Variants in PCNX2 observed in about 807,000 individuals in gnomAD.
PCNX2 encodes pecanex-like protein 2.
A neutral mutation model predicts 223.8 loss-of-function variants in PCNX2; 168 were observed. That is an observed-to-expected ratio of 0.75 (90% CI 0.66 to 0.85). The LOEUF (loss-of-function observed/expected upper bound fraction) is 0.85. PCNX2 is among the 40% of genes least tolerant of loss of function. The pLI, the probability that PCNX2 is intolerant of heterozygous loss-of-function variation, is 0.00. For synonymous variants in PCNX2, 1,006 were observed against 1,052.6 expected (o/e 0.96, Z 0.86); for missense variants, 2,507 against 2,675.5 (o/e 0.94, Z 1.39).
At chr1:233,294,047 A>T (rs946632191) in intron 1 of PCNX2, 1 of 943,428 alleles carries the variant, frequency 1.1e-6, no homozygotes, top group African/African-American at 1.8e-5. Flanking sequence ...TTTATATATA[A>T]TTTTGGTTAA....
chr1:233,074,296 T>G (rs190611886), intron 23 of PCNX2, among the ~76,000 whole-genome samples: 273 of 152,280 alleles, frequency 1.8e-3, no homozygotes, highest in African/African-American at 6.3e-3. Context: ...TTGCAAAACA[T>G]TTTGTTAAGA....
chr1:233,231,351 A>G (rs1342236400), intron 9 of PCNX2, among the ~76,000 whole-genome samples: 5 of 152,202 alleles, frequency 3.3e-5, no homozygotes, highest in African/African-American at 1.2e-4. Context: ...ACTGGCAAAA[A>G]TAAGATGAGG....
At chr1:233,262,456 C>T (rs1380121996) in intron 2 of PCNX2, among the ~76,000 whole-genome samples, 1 of 152,004 alleles carries the variant, frequency 6.6e-6, no homozygotes, top group Admixed American at 6.6e-5. Context: ...CCATCTGCAG[C>T]AGATAAATCT....
intron 22 of PCNX2, 31 bp from the exon 23 acceptor site, chr1:233,090,221 A>T (rs1673803198): frequency 1.3e-6 from 2 of 1,593,212 alleles, no homozygotes; most frequent in Admixed American, 3.7e-5. Flanking sequence ...CAAAAAAAAA[A>T]ATTATGATTC....
intron 17 of PCNX2, among the ~76,000 whole-genome samples, chr1:233,163,506 C>A (rs1220237037): frequency 1.3e-5 from 2 of 151,352 alleles, no homozygotes; most frequent in African/African-American, 4.9e-5. Flanking sequence ...AAGTATACAA[C>A]TTAACAAGTT....
intron 21 of PCNX2, among the ~76,000 whole-genome samples, chr1:233,111,122 G>A (rs982477290): frequency 6.6e-6 from 1 of 152,062 alleles, no homozygotes; most frequent in African/African-American, 2.4e-5. Flanking sequence ...TTTATCACAC[G>A]GAAAGTCGTA....
At chr1:233,003,611 A>G (rs1670168143) in intron 28 of PCNX2, among the ~76,000 whole-genome samples, 1 of 152,246 alleles carries the variant, frequency 6.6e-6, no homozygotes, top group Non-Finnish European at 1.5e-5. Context: ...TCAAGGATCT[A>G]GAACCAGAAA....
intron 17 of PCNX2, among the ~76,000 whole-genome samples, chr1:233,164,031 T>C (rs1209134387): frequency 3.3e-5 from 5 of 152,214 alleles, no homozygotes; most frequent in Non-Finnish European, 7.3e-5. Context: ...CCTGGACATG[T>C]TATTTCTTTT....
Position 233,250,243 on chromosome 1 carries a change from A to T in PCNX2, c.2222+496T>A, listed in dbSNP as rs116662797. Among the ~76,000 whole-genome samples the T allele has an allele frequency of 8.2e-3, 1,193 of 145,938 alleles. 16 individuals carry two copies. Among genetic ancestry groups the T allele is most frequent in the African/African-American group, 0.029 (1,135 of 38,946 alleles). ...AATCATCGTATGTCCCAGATATGCA[A>T]ACTAATTTAATATCAACTTCATCAA... On this transcript the variant is annotated intron_variant, in intron 8 of 33. Transcript: ENST00000258229.
intron 23 of PCNX2, among the ~76,000 whole-genome samples, chr1:233,066,195 C>T (rs555211994): frequency 2.6e-5 from 4 of 152,172 alleles, no homozygotes; most frequent in Non-Finnish European, 2.9e-5. Context: ...CCTCATTCTT[C>T]TCAGACACAG....
At chr1:233,042,116 C>T (rs1424034635) in intron 25 of PCNX2, among the ~76,000 whole-genome samples, 2 of 152,208 alleles carry the variant, frequency 1.3e-5, no homozygotes, top group African/African-American at 4.8e-5. Flanking sequence ...CAAAACACTT[C>T]TGGTCCCAAG....
At chr1:233,009,556 G>A (rs1223409475) in intron 28 of PCNX2, among the ~76,000 whole-genome samples, 5 of 152,104 alleles carry the variant, frequency 3.3e-5, no homozygotes, top group Non-Finnish European at 5.9e-5. Flanking sequence ...TTCTCTGCTC[G>A]GAGGCTCCAC....
chr1:233,115,833 T>C (rs573878604), intron 21 of PCNX2, among the ~76,000 whole-genome samples: 1 of 152,164 alleles, frequency 6.6e-6, no homozygotes, highest in Admixed American at 6.5e-5. Flanking sequence ...TTACATTAAA[T>C]GAAATGGTCT....
chr1:233,218,465 T>C (rs774180515), intron 10 of PCNX2, among the ~76,000 whole-genome samples: 7 of 152,044 alleles, frequency 4.6e-5, no homozygotes, highest in East Asian at 1.9e-4. Context: ...TTAGTCAGGA[T>C]GGTCTTGATC....
chr1:233,108,946 G>T (rs1267216747), intron 21 of PCNX2, among the ~76,000 whole-genome samples: 4 of 152,146 alleles, frequency 2.6e-5, no homozygotes, highest in Non-Finnish European at 5.9e-5. Flanking sequence ...ATACCAATGG[G>T]AGAGGGACAG....
chr1:233,217,844 CT>C, intron 12 of PCNX2, 54 bp downstream of exon 12: 1 of 1,607,660 alleles, frequency 6.2e-7, no homozygotes, highest in East Asian at 2.2e-5. Flanking sequence ...GGCTTTTTCC[CT>C]GTCTTCAACA....
chr1:233,294,015 G>A (rs1035540616), intron 1 of PCNX2: 1 of 984,088 alleles, frequency 1.0e-6, no homozygotes, highest in African/African-American at 1.7e-5. Flanking sequence ...GGGTTTCCAA[G>A]CAGTTTCTGT....
chr1:233,058,518 G>A (rs1426543913), intron 23 of PCNX2: 7 of 152,110 alleles, frequency 4.6e-5, no homozygotes, highest in Middle Eastern at 3.4e-3. Flanking sequence ...TGATATATTC[G>A]CCATTAAGAA....
chr1:233,084,278 A>C (rs1450786789), intron 23 of PCNX2, among the ~76,000 whole-genome samples: 1 of 152,186 alleles, frequency 6.6e-6, no homozygotes, highest in Non-Finnish European at 1.5e-5. Context: ...ATTAAGTAGA[A>C]CCAATTATTT....
Sources: allele counts gnomAD v4.1 joint callset (sites outside exome capture counted in the v4.1 genomes callset), GRCh38; gene constraint gnomAD v4.1.1; transcripts MANE v1.5; gene names NCBI Gene and HGNC (gene_info 2026-07-23, HGNC 2026-07-21).